Variants in ADCY9 observed in about 807,000 individuals in gnomAD.
ADCY9 encodes the protein adenylate cyclase 9, also known as adenylate cyclase type 9.
ADCY9 carries 50 observed loss-of-function variants against 101.5 expected under a neutral mutation model. The ratio of observed to expected loss-of-function variants is 0.49; its 90% CI spans 0.39 to 0.62. The LOEUF is 0.62. Among genes scored for constraint, ADCY9 ranks in the 20% least tolerant of loss-of-function variants. The pLI, the probability that ADCY9 is intolerant of heterozygous loss-of-function variation, is 0.00. For missense variants in ADCY9, 1,662 were observed against 1,800.4 expected (o/e 0.92, Z 1.39); for synonymous variants, 905 against 769.3 (o/e 1.18, Z -2.92).
chr16:4,011,590 G>A (rs1055737205), intron 2 of ADCY9, among the ~76,000 whole-genome samples: 4 of 152,210 alleles, frequency 2.6e-5, no homozygotes, highest in African/African-American at 9.6e-5. Context: ...CGAGGGCCTG[G>A]CTGCTGGAGG....
chr16:3,996,267 CAGG>C (rs2056286059), intron 3 of ADCY9, among the ~76,000 whole-genome samples: 3 of 152,238 alleles, frequency 2.0e-5, no homozygotes, highest in African/African-American at 4.8e-5. Flanking sequence ...GAGGCTGAGG[CAGG>C]AGGATTGCTT....
At chr16:4,057,906 C>T (rs1292164140) in intron 2 of ADCY9, among the ~76,000 whole-genome samples, 1 of 152,146 alleles carries the variant, frequency 6.6e-6, no homozygotes, top group African/African-American at 2.4e-5. Flanking sequence ...GTTGAGTAAT[C>T]CCAGCACTTT....
At chr16:3,960,236 T>C (rs2055930540), downstream of ADCY9, among the ~76,000 whole-genome samples, 1 of 151,034 alleles carries the variant, frequency 6.6e-6, no homozygotes, top group Non-Finnish European at 1.5e-5. Flanking sequence ...ATCAAAAGAT[T>C]TGGCCGGGCA....
At chr16:3,958,673 C>CTTTTTTTTTTTTT (rs1207846349), downstream of ADCY9, among the ~76,000 whole-genome samples, 246 of 103,016 alleles carry the variant, frequency 2.4e-3, 28 homozygotes, top group African/African-American at 9.3e-3. Flanking sequence ...TCGTCGGTTA[C>CTTTTTTTTTTTTT]TTTTTTTTTT....
chr16:4,108,864 C>A (rs1486682993), intron 2 of ADCY9, among the ~76,000 whole-genome samples: 2 of 151,942 alleles, frequency 1.3e-5, no homozygotes, highest in Non-Finnish European at 2.9e-5. Flanking sequence ...TGCCACCACA[C>A]CTGGTTAATT....
chr16:3,979,641 G>A (rs1320899356), intron 7 of ADCY9, among the ~76,000 whole-genome samples: 1 of 152,272 alleles, frequency 6.6e-6, no homozygotes, highest in Non-Finnish European at 1.5e-5. Context: ...TGAGGCAGGA[G>A]GTCTTGACGG....
At chr16:4,091,126 C>A (rs758445) in intron 2 of ADCY9, among the ~76,000 whole-genome samples, 4 of 150,638 alleles carry the variant, frequency 2.7e-5, no homozygotes, top group Non-Finnish European at 4.5e-5. Flanking sequence ...CAGGCTGGAG[C>A]GCAGTGGCAT....
chr16:4,032,940 C>G (rs1285110207), intron 2 of ADCY9: 1 of 152,342 alleles, frequency 6.6e-6, no homozygotes. Context: ...GTCGGCCACA[C>G]AGCTCCGCTC....
intron 3 of ADCY9, among the ~76,000 whole-genome samples, chr16:4,003,906 C>G (rs934495500): frequency 1.6e-4 from 24 of 151,936 alleles, no homozygotes; most frequent in Non-Finnish European, 2.9e-4. Context: ...AGTATCTGTC[C>G]CCCACATTAT....
At chr16:4,067,652 T>C (rs767773358) in intron 2 of ADCY9, among the ~76,000 whole-genome samples, 1 of 152,138 alleles carries the variant, frequency 6.6e-6, no homozygotes, top group Non-Finnish European at 1.5e-5. Context: ...TAAACAGAAC[T>C]GGACCCCCAG....
At chr16:4,068,565 G>A (rs981316806) in intron 2 of ADCY9, among the ~76,000 whole-genome samples, 5 of 151,788 alleles carry the variant, frequency 3.3e-5, no homozygotes, top group African/African-American at 9.7e-5. Context: ...CTGTAATCCC[G>A]GCACTTTGGG....
intron 2 of ADCY9, among the ~76,000 whole-genome samples, chr16:4,057,668 C>G (rs1317667240): frequency 2.6e-5 from 4 of 152,240 alleles, no homozygotes; most frequent in Non-Finnish European, 4.4e-5. Flanking sequence ...GCTCTCTCCT[C>G]TGTCTGAAAC....
rs561424978 is a variant in ADCY9, at chr16:4,084,223, T to G, written c.1693+29527A>C. Among the ~76,000 whole-genome samples the G allele has an allele frequency of 8.5e-5, 13 of 152,210 alleles. No individual in the cohort carries two copies. The East Asian group carries it at 2.5e-3, about 30-fold the overall frequency. On this transcript the variant is annotated intron_variant, in intron 2 of 10. Coordinates refer to ENST00000294016, the MANE Select transcript of ADCY9 (RefSeq NM_001116.4). ...GCCTCCTGGGTTCAAGTGATTCTCC[T>G]GCCTCAGCCTCCCAAGTAGCTGGGA...
intron 2 of ADCY9, among the ~76,000 whole-genome samples, chr16:4,053,781 A>C (rs1242693518): frequency 6.6e-6 from 1 of 152,178 alleles, no homozygotes; most frequent in Non-Finnish European, 1.5e-5. Flanking sequence ...TGCTCATGCC[A>C]ACTTCAAAAG....
intron 2 of ADCY9, among the ~76,000 whole-genome samples, chr16:4,033,225 A>G (rs567458435): frequency 3.5e-4 from 53 of 152,286 alleles, no homozygotes; most frequent in African/African-American, 1.3e-3. Flanking sequence ...TTGGTCCTAA[A>G]TTCTTTTCTC....
intron 2 of ADCY9, among the ~76,000 whole-genome samples, chr16:4,058,815 C>T (rs1395046961): frequency 6.6e-6 from 1 of 152,138 alleles, no homozygotes; most frequent in Non-Finnish European, 1.5e-5. Flanking sequence ...GGCTCCTCAT[C>T]TCCTGATTGC....
chr16:3,969,569 A>AATATATATAAATATATATATATATATAT (rs2056029561), intron 10 of ADCY9, among the ~76,000 whole-genome samples: 1 of 45,228 alleles, frequency 2.2e-5, no homozygotes, highest in Non-Finnish European at 4.4e-5. Flanking sequence ...GTTTGTTTGA[A>AATATATATAAATATATATATATATATAT]ATATATATAT....
In ADCY9 at chr16:4,050,371, G is replaced by A. The variant is rs1167729359; in HGVS notation, c.1694-42813C>T. Among the ~76,000 whole-genome samples, 3 of 152,154 alleles carry A rather than the reference G, an allele frequency of 2.0e-5. No homozygotes were observed. In the East Asian group the frequency reaches 5.8e-4, roughly 29 times the overall value. ...TACAAACGCATGTGTGCCCGTGTGT[G>A]TATGTACAAACATATGTGTACGTGT... On this transcript the variant is annotated intron_variant, in intron 2 of 10. Coordinates refer to ENST00000294016, the MANE Select transcript of ADCY9 (RefSeq NM_001116.4).
intron 2 of ADCY9, among the ~76,000 whole-genome samples, chr16:4,065,935 C>T (rs2056798604): frequency 1.3e-5 from 2 of 152,192 alleles, no homozygotes; most frequent in Non-Finnish European, 2.9e-5. Flanking sequence ...AACTCCTGAC[C>T]TCAGGTGATC....
Sources: gnomAD v4.1 joint callset for allele counts (sites outside exome capture counted in the v4.1 genomes callset) on GRCh38, gnomAD v4.1.1 for gene constraint, MANE v1.5 for transcripts, NCBI Gene and HGNC (gene_info 2026-07-23, HGNC 2026-07-21) for gene names.